The following VCPKMT variants were observed in gnomAD, a reference collection of about 807,000 sequenced individuals.
The protein encoded by VCPKMT is protein N-lysine methyltransferase METTL21D.
VCPKMT carries 32 observed loss-of-function variants against 28.6 expected under a neutral mutation model. The observed-to-expected ratio is 1.12, with a 90% CI of 0.84 to 1.50. VCPKMT has a LOEUF of 1.50. Ranked by LOEUF, VCPKMT falls within the 40% of genes most tolerant of loss-of-function variation. The pLI is 0.00. For missense variants in VCPKMT, 366 were observed against 285.0 expected (o/e 1.28, Z -2.05); for synonymous variants, 138 against 111.4 (o/e 1.24, Z -1.50).
Position 50,116,474 on chromosome 14 carries a change from C to G in VCPKMT, c.79G>C (p.Val27Leu). 6.2e-7 allele frequency: 1 copy of G among 1,614,048 alleles called. No individual in the cohort carries two copies. Among genetic ancestry groups the G allele is most frequent in the Non-Finnish European group, 8.5e-7 (1 of 1,179,956 alleles). Residue 27 changes from valine (V) to leucine (L), a missense_variant, in exon 1 of 6, where the codon GTG (valine) becomes CTG (leucine). Transcript: ENST00000395860. ...VRVLEKRDGTVLRLQQYSSGG... is the reference protein window; with the variant it reads ...VRVLEKRDGTLLRLQQYSSGG... ...GAGCTATACTGCTGTAGTCGTAGCA[C>G]TGTACCATCCCGCTTCTCCAAAACT...
rs199976310 is a variant in VCPKMT at position 50,116,251 on chromosome 14, G to A, written c.266+36C>T. ...GTAATCCGGATTTCCCCAGCAAGAAGGCGCCCCCACATCCCGCCCGCCCGC... is the reference window on the plus strand; with the variant it reads ...GTAATCCGGATTTCCCCAGCAAGAAAGCGCCCCCACATCCCGCCCGCCCGC... On this transcript the variant is annotated intron_variant, in intron 1 of 5. Coordinates refer to ENST00000395860, the MANE Select transcript of VCPKMT (RefSeq NM_024558.3). The A allele has an allele frequency of 5.7e-3, 9,240 of 1,610,396 alleles. 54 individuals carry two copies. The highest frequency in any genetic ancestry group is 6.8e-3 in the Non-Finnish European group (8,002 of 1,177,976).
chr14:50,107,745 A>G (rs912072586), downstream of VCPKMT, among the ~76,000 whole-genome samples: 8 of 152,166 alleles, frequency 5.3e-5, no homozygotes, highest in Admixed American at 5.2e-4. Context: ...GTCAAGCAAG[A>G]GTGTGATTTT....
chr14:50,108,237 G>C (rs1353820432), downstream of VCPKMT, among the ~76,000 whole-genome samples: 1 of 149,916 alleles, frequency 6.7e-6, no homozygotes, highest in Non-Finnish European at 1.5e-5. Flanking sequence ...ATAAAAACTG[G>C]AGGGTGAAAA....
rs1434208970 is a variant in VCPKMT at position 50,108,938 on chromosome 14, G to T, written c.*761C>A. 4 of 985,268 alleles carry T rather than the reference G, an allele frequency of 4.1e-6. No homozygotes were observed. Among genetic ancestry groups the T allele is most frequent in the Non-Finnish European group, 4.8e-6 (4 of 829,920 alleles). The allele number at this position is 985,268 out of a possible 1,614,324, so 61.0% of individuals were successfully genotyped here. Reference sequence around the variant, plus strand: ...TGGAACATATACATAAAGTGCATGAGCCACGTAAGTGCATAAGCCTGAAAC... The same window carrying T: ...TGGAACATATACATAAAGTGCATGATCCACGTAAGTGCATAAGCCTGAAAC... On this transcript the variant is annotated 3_prime_UTR_variant, in exon 6 of 6. Transcript: ENST00000395860.
At chr14:50,112,122 G>A (rs184077788) in intron 5 of VCPKMT, 1 of 933,314 alleles carries the variant, frequency 1.1e-6, no homozygotes, top group Non-Finnish European at 1.3e-6. Flanking sequence ...GTTCACAAAG[G>A]TAAGAGCAGG....
chr14:50,115,804 T>C (rs1594945681), intron 3 of VCPKMT, 35 bp downstream of exon 3: 4 of 1,576,248 alleles, frequency 2.5e-6, no homozygotes, highest in African/African-American at 2.7e-5. Context: ...AGGTTCATCT[T>C]CTAAGTGAAG....
At chr14:50,111,763 A>G (rs903330954) in intron 5 of VCPKMT, 12 of 604,454 alleles carry the variant, frequency 2.0e-5, no homozygotes, top group Non-Finnish European at 2.1e-5. Flanking sequence ...GTGCATGCCT[A>G]TGGTCCCAGG....
intron 4 of VCPKMT, among the ~76,000 whole-genome samples, chr14:50,113,767 A>T (rs11849389): frequency 0.31 from 38,908 of 124,364 alleles, 5,913 homozygotes; most frequent in Admixed American, 0.44. Context: ...GTGGTGGTAC[A>T]TGCCTATAGT....
At chr14:50,108,251 A>C (rs970061078), downstream of VCPKMT, among the ~76,000 whole-genome samples, 1 of 152,004 alleles carries the variant, frequency 6.6e-6, no homozygotes, top group Non-Finnish European at 1.5e-5. Flanking sequence ...GTGAAAAGAC[A>C]TTTAAGGAAC....
At chr14:50,105,512 T>C (rs1452654984), downstream of VCPKMT, among the ~76,000 whole-genome samples, 2 of 152,122 alleles carry the variant, frequency 1.3e-5, no homozygotes, top group Non-Finnish European at 1.5e-5. Context: ...GTGCCTGTAA[T>C]CCCAACTATT....
rs1594933006 is a variant in VCPKMT, at chr14:50,108,939, C to T, written c.*760G>A. 1 of 985,376 alleles carries T rather than the reference C, an allele frequency of 1.0e-6. No homozygotes were observed. The highest frequency in any genetic ancestry group is 1.2e-6 in the Non-Finnish European group (1 of 829,914). 61.0% of individuals were successfully genotyped at this position (985,376 alleles called of 1,614,324 possible). ...GGAACATATACATAAAGTGCATGAG[C>T]CACGTAAGTGCATAAGCCTGAAACT... On this transcript the variant is annotated 3_prime_UTR_variant, in exon 6 of 6. Transcript: ENST00000395860.
At chr14:50,113,225 T>TA (rs1270143044) in intron 4 of VCPKMT, 1 of 152,264 alleles carries the variant, frequency 6.6e-6, no homozygotes, top group Non-Finnish European at 1.5e-5. Flanking sequence ...ACTTGACTGA[T>TA]ACATATGCAT....
At chr14:50,113,082 G>T (rs2139437441) in intron 4 of VCPKMT, among the ~76,000 whole-genome samples, 1 of 152,236 alleles carries the variant, frequency 6.6e-6, no homozygotes, top group East Asian at 1.9e-4. Flanking sequence ...CACCGCGCCT[G>T]GTCAGTGGTT....
In VCPKMT at chr14:50,109,592, G is replaced by GAA; in HGVS notation, c.*105_*106dup. The GAA allele has an allele frequency of 6.9e-7, 1 of 1,449,756 alleles. No homozygotes were observed. Among genetic ancestry groups the GAA allele is most frequent in the Non-Finnish European group, 9.1e-7 (1 of 1,102,982 alleles). 89.8% of individuals were successfully genotyped at this position (1,449,756 alleles called of 1,614,324 possible). A position where few individuals can be genotyped will look rare whatever the true frequency, so the allele number is the denominator to read the frequency against. Reference sequence around the variant, plus strand: ...ACATCGGATCTCTAAGGACGTGCCGGAAAAAAAAATCTGTGAACACAATCT... The same window carrying GAA: ...ACATCGGATCTCTAAGGACGTGCCGGAAAAAAAAAAATCTGTGAACACAATCT... On this transcript the variant is annotated 3_prime_UTR_variant, in exon 6 of 6. Coordinates refer to ENST00000395860, the MANE Select transcript of VCPKMT (RefSeq NM_024558.3).
At chr14:50,112,560 A>C in intron 5 of VCPKMT, 55 bp downstream of exon 5, 3 of 1,144,502 alleles carry the variant, frequency 2.6e-6, no homozygotes, top group Non-Finnish European at 3.8e-6. Flanking sequence ...GCCCTGAAAT[A>C]GTGTCCAGCT....
At chr14:50,105,770 G>A (rs17122125), downstream of VCPKMT, among the ~76,000 whole-genome samples, 24,120 of 152,252 alleles carry the variant, frequency 0.16, 2,479 homozygotes, top group Admixed American at 0.33. Context: ...TATAACTGGT[G>A]TACAGAAGAG....
the VCPKMT span, among the ~76,000 whole-genome samples, chr14:50,103,550 A>G: frequency 6.6e-6 from 1 of 152,104 alleles, no homozygotes; most frequent in African/African-American, 2.4e-5. Flanking sequence ...TTAATCCTGG[A>G]GCTCCAGCCA....
downstream of VCPKMT, among the ~76,000 whole-genome samples, chr14:50,108,075 GCTA>G (rs934970920): frequency 2.8e-4 from 42 of 151,326 alleles, no homozygotes; most frequent in Non-Finnish European, 5.3e-4. Context: ...TGTAGTTCCA[GCTA>G]CTAAGGAGGG....
At chr14:50,111,720 CAAA>C (rs947485588) in intron 5 of VCPKMT, 33 of 712,892 alleles carry the variant, frequency 4.6e-5, no homozygotes, top group Admixed American at 1.9e-4. Context: ...TCAACAACAA[CAAA>C]AAAAATACAA....
Sources: allele counts gnomAD v4.1 joint callset (sites outside exome capture counted in the v4.1 genomes callset), GRCh38; gene constraint gnomAD v4.1.1; transcripts MANE v1.5; gene names NCBI Gene and HGNC (gene_info 2026-07-23, HGNC 2026-07-21).